GULP1: variants seen among roughly 807,000 people sequenced by gnomAD.
GULP1 encodes the protein GULP PTB domain containing engulfment adaptor 1.
GULP1 carries 19 observed loss-of-function variants against 40.9 expected under a neutral mutation model. The ratio of observed to expected loss-of-function variants is 0.46; its 90% CI spans 0.32 to 0.68. The LOEUF (loss-of-function observed/expected upper bound fraction) is 0.68, where lower values mean the gene tolerates loss of function less well. Ranked by LOEUF, GULP1 falls within the 30% of genes least tolerant of loss-of-function variation. GULP1 has a pLI of 0.03. For missense variants in GULP1, 312 were observed against 362.2 expected (o/e 0.86, Z 1.12); for synonymous variants, 119 against 117.6 (o/e 1.01, Z -0.08).
At chr2:188,328,421 C>G (rs1382706666) in intron 1 of GULP1, among the ~76,000 whole-genome samples, 2 of 152,076 alleles carry the variant, frequency 1.3e-5, no homozygotes, top group Non-Finnish European at 2.9e-5. Flanking sequence ...TAGCGTTTTT[C>G]TACTTCTGTT....
rs1702730970 is a variant in GULP1 at position 188,587,924 on chromosome 2, T to C, written c.818T>C (p.Ile273Thr). 4 of 1,602,498 alleles carry C rather than the reference T, an allele frequency of 2.5e-6. No homozygotes were observed. The highest frequency in any genetic ancestry group is 2.2e-5 in the East Asian group (1 of 44,820). Reference protein sequence around the residue: ...NCGAADFPPDIQSKLDEMQEG... With the variant: ...NCGAADFPPDTQSKLDEMQEG... ...GGAGCAGCAGATTTCCCTCCAGATA[T>C]TCAATCAAAATTAGATGAGATGCAG... Residue 273 changes from isoleucine (I) to threonine (T), a missense_variant, in exon 11 of 12, where the codon ATT (isoleucine) becomes ACT (threonine). Physicochemically the swap from Ile to Thr is moderately conservative, Grantham distance 89 (BLOSUM62 -1). Coordinates refer to ENST00000409830, the MANE Select transcript of GULP1 (RefSeq NM_016315.4).
chr2:188,548,212 G>A (rs1334212521), intron 7 of GULP1, among the ~76,000 whole-genome samples: 1 of 152,034 alleles, frequency 6.6e-6, no homozygotes, highest in African/African-American at 2.4e-5. Flanking sequence ...TGGCATGATT[G>A]TCTAAGTAGA....
intron 1 of GULP1, among the ~76,000 whole-genome samples, chr2:188,352,352 C>G (rs553042912): frequency 6.6e-6 from 1 of 152,168 alleles, no homozygotes; most frequent in East Asian, 1.9e-4. Context: ...CTTTTCTGGC[C>G]TTCAGACTTG....
At chr2:188,331,871 A>G (rs999638831) in intron 1 of GULP1, among the ~76,000 whole-genome samples, 4 of 152,156 alleles carry the variant, frequency 2.6e-5, no homozygotes, top group East Asian at 3.8e-4. Context: ...TGGGCAACTT[A>G]TATTTTTACT....
intron 1 of GULP1, among the ~76,000 whole-genome samples, chr2:188,381,877 C>T (rs2049044086): frequency 6.6e-6 from 1 of 152,138 alleles, no homozygotes; most frequent in African/African-American, 2.4e-5. Flanking sequence ...TTACATTTTA[C>T]AGCAAGGTGA....
At chr2:188,399,967 A>G (rs1191513770) in intron 2 of GULP1, among the ~76,000 whole-genome samples, 1 of 152,178 alleles carries the variant, frequency 6.6e-6, no homozygotes, top group Non-Finnish European at 1.5e-5. Context: ...GTCTAGTGAA[A>G]TAGAAATAAA....
chr2:188,322,263 T>C (rs944868311), intron 1 of GULP1, among the ~76,000 whole-genome samples: 3 of 152,140 alleles, frequency 2.0e-5, no homozygotes, highest in African/African-American at 7.2e-5. Flanking sequence ...TTAATCATTA[T>C]AGAGTATAAT....
chr2:188,442,038 TG>T (rs1361161400), intron 2 of GULP1, among the ~76,000 whole-genome samples: 1 of 152,238 alleles, frequency 6.6e-6, no homozygotes, highest in Non-Finnish European at 1.5e-5. Flanking sequence ...AATGTACTTT[TG>T]TTTTTAGAGT....
At chr2:188,391,343 T>C (rs1042709408) in intron 2 of GULP1, among the ~76,000 whole-genome samples, 2 of 152,096 alleles carry the variant, frequency 1.3e-5, no homozygotes, top group South Asian at 4.1e-4. Flanking sequence ...AGTATATTCC[T>C]AGGTATTTTA....
At chr2:188,314,417 TC>T (rs1246113829) in intron 1 of GULP1, among the ~76,000 whole-genome samples, 1 of 152,126 alleles carries the variant, frequency 6.6e-6, no homozygotes, top group Non-Finnish European at 1.5e-5. Context: ...TAGATCTTTA[TC>T]CTCCCCCTCT....
chr2:188,511,625 C>A (rs1275964391), intron 4 of GULP1, among the ~76,000 whole-genome samples: 2 of 151,992 alleles, frequency 1.3e-5, no homozygotes, highest in Non-Finnish European at 2.9e-5. Flanking sequence ...GCCTCCTGAG[C>A]AATGAACACA....
At chr2:188,305,520 A>C (rs901714333) in intron 1 of GULP1, among the ~76,000 whole-genome samples, 2 of 152,194 alleles carry the variant, frequency 1.3e-5, no homozygotes, top group African/African-American at 4.8e-5. Flanking sequence ...TCACAATCAG[A>C]TTAGAGTCCT....
intron 2 of GULP1, among the ~76,000 whole-genome samples, chr2:188,387,412 A>T (rs970960099): frequency 6.6e-6 from 1 of 152,200 alleles, no homozygotes; most frequent in Non-Finnish European, 1.5e-5. Context: ...ACATTAGAGA[A>T]GGGAAGGCAC....
At chr2:188,447,008 G>A (rs976525188) in intron 2 of GULP1, among the ~76,000 whole-genome samples, 12 of 152,126 alleles carry the variant, frequency 7.9e-5, no homozygotes, top group African/African-American at 2.4e-4. Flanking sequence ...GCATAGCCTC[G>A]TTTTATGCAT....
At chr2:188,477,899 TATC>T (rs1423352853) in intron 3 of GULP1, among the ~76,000 whole-genome samples, 169 bp downstream of exon 3, 1 of 152,140 alleles carries the variant, frequency 6.6e-6, no homozygotes, top group Non-Finnish European at 1.5e-5. Flanking sequence ...TTTCCTTAGT[TATC>T]ACCCTAGTGA....
intron 7 of GULP1, among the ~76,000 whole-genome samples, chr2:188,548,108 G>A (rs1032421448): frequency 2.0e-5 from 3 of 151,958 alleles, no homozygotes; most frequent in African/African-American, 7.3e-5. Flanking sequence ...ATGAAACACA[G>A]CCATAGAAGC....
intron 2 of GULP1, among the ~76,000 whole-genome samples, chr2:188,401,026 T>A (rs898411842): frequency 2.0e-5 from 3 of 151,794 alleles, no homozygotes; most frequent in African/African-American, 7.3e-5. Context: ...TTAGTTTTGG[T>A]TGCTGTGAGA....
chr2:188,593,396 A>G (rs905648705), intron 11 of GULP1: 2 of 152,136 alleles, frequency 1.3e-5, no homozygotes, highest in African/African-American at 4.8e-5. Context: ...CGCTACAAGC[A>G]ACAGCAAGGC....
intron 2 of GULP1, among the ~76,000 whole-genome samples, chr2:188,411,534 G>A (rs577758746): frequency 2.6e-5 from 4 of 152,272 alleles, no homozygotes; most frequent in African/African-American, 9.6e-5. Context: ...CACAGAAAGG[G>A]TCATCCTACC....
Sources: allele counts gnomAD v4.1 joint callset (sites outside exome capture counted in the v4.1 genomes callset), GRCh38; gene constraint gnomAD v4.1.1; transcripts MANE v1.5; gene names NCBI Gene and HGNC (gene_info 2026-07-23, HGNC 2026-07-21).